Variants in CADPS observed in about 807,000 individuals in gnomAD.
The protein encoded by CADPS is calcium dependent secretion activator.
Under a neutral mutation model 167.3 loss-of-function variants are expected in CADPS, and 57 were observed. The observed-to-expected ratio is 0.34, with a 90% CI of 0.28 to 0.42. CADPS has a LOEUF of 0.42. Ranked by LOEUF, CADPS falls within the 20% of genes least tolerant of loss-of-function variation. CADPS has a pLI of 1.00. For synonymous variants in CADPS, 676 were observed against 635.3 expected, an observed-to-expected ratio of 1.06 and a Z score of -0.96; for missense variants, 1,414 against 1,738.1, an observed-to-expected ratio of 0.81 and a Z score of 3.32.
At chr3:62,415,923 T>C (rs2049973280) in intron 28 of CADPS, among the ~76,000 whole-genome samples, 1 of 152,194 alleles carries the variant, frequency 6.6e-6, no homozygotes, top group Non-Finnish European at 1.5e-5. Context: ...TTCTGCAAAA[T>C]ACCCTTCCTT....
Position 62,399,815 on chromosome 3 carries a change from C to T in CADPS, c.3883-230G>A. Reference sequence around the variant, plus strand: ...ACAGGATAAACTATATTAGATGAGACAAAGCAAAGAACATAAGCTTGTGTT... The same window carrying T: ...ACAGGATAAACTATATTAGATGAGATAAAGCAAAGAACATAAGCTTGTGTT... On this transcript the variant is annotated intron_variant, in intron 29 of 29. Coordinates refer to ENST00000383710, the MANE Select transcript of CADPS (RefSeq NM_003716.4). This position sits in a 1 kb window ranked among gnomAD's most constrained non-coding sequence, Gnocchi z 5.6. Among the ~76,000 whole-genome samples the T allele has an allele frequency of 6.6e-6, 1 of 152,098 alleles. No individual in the cohort carries two copies. The highest frequency in any genetic ancestry group is 1.9e-4 in the East Asian group (1 of 5,198).
intron 5 of CADPS, among the ~76,000 whole-genome samples, chr3:62,650,124 T>G (rs2069714707): frequency 6.6e-6 from 1 of 152,224 alleles, no homozygotes; most frequent in Admixed American, 6.5e-5. Context: ...TATGGTAGTT[T>G]TATGTTTAAC....
chr3:62,571,025 T>C (rs1190924595), intron 8 of CADPS, 87 bp from the exon 9 acceptor site: 3 of 921,058 alleles, frequency 3.3e-6, no homozygotes, highest in South Asian at 2.7e-5. Flanking sequence ...TTGGTACTTA[T>C]AAACAAGGAA....
chr3:62,411,734 C>A (rs1161339843), intron 28 of CADPS, among the ~76,000 whole-genome samples: 1 of 152,188 alleles, frequency 6.6e-6, no homozygotes, highest in Non-Finnish European at 1.5e-5. Flanking sequence ...GACAAAGAAA[C>A]CCTGGCACGT....
intron 4 of CADPS, among the ~76,000 whole-genome samples, chr3:62,656,409 G>A (rs1396608708): frequency 1.3e-5 from 2 of 152,126 alleles, no homozygotes; most frequent in South Asian, 2.1e-4. Context: ...TTTTTTGGAA[G>A]AAAATGAGGC....
At chr3:62,495,809 G>A (rs909642197) in intron 18 of CADPS, among the ~76,000 whole-genome samples, 1 of 152,200 alleles carries the variant, frequency 6.6e-6, no homozygotes, top group Non-Finnish European at 1.5e-5. Flanking sequence ...GAGTTTAGCT[G>A]CAATTAAGAG....
At chr3:62,754,995 A>C (rs2083534988) in intron 2 of CADPS, among the ~76,000 whole-genome samples, 1 of 152,204 alleles carries the variant, frequency 6.6e-6, no homozygotes, top group South Asian at 2.1e-4. Context: ...CTTGTTCCTC[A>C]CAATGTCTTC....
intron 3 of CADPS, among the ~76,000 whole-genome samples, chr3:62,671,103 G>A (rs933087341): frequency 6.6e-6 from 1 of 152,138 alleles, no homozygotes; most frequent in African/African-American, 2.4e-5. Context: ...CAAAGTGGGA[G>A]TCCTAACAGT....
rs1178492890 is a variant in CADPS, at chr3:62,458,613, C to A, written c.3636+6754G>T. On this transcript the variant is annotated intron_variant, in intron 26 of 29. Coordinates refer to ENST00000383710, the MANE Select transcript of CADPS (RefSeq NM_003716.4). This position sits in a 1 kb window ranked among gnomAD's most constrained non-coding sequence, Gnocchi z 4.6. Reference sequence around the variant, plus strand: ...AAGCAATTCTCCTGGCTCAGCCTCTCAAGCAGTTGGGATTACAGGCACCTG... The same window carrying A: ...AAGCAATTCTCCTGGCTCAGCCTCTAAAGCAGTTGGGATTACAGGCACCTG... Among the ~76,000 whole-genome samples the A allele has an allele frequency of 6.6e-6, 1 of 152,118 alleles. No individual in the cohort carries two copies. The highest frequency in any genetic ancestry group is 1.5e-5 in the Non-Finnish European group (1 of 68,022).
At chr3:62,662,808 G>A (rs948932995) in intron 3 of CADPS, among the ~76,000 whole-genome samples, 1 of 152,140 alleles carries the variant, frequency 6.6e-6, no homozygotes, top group African/African-American at 2.4e-5. Context: ...CACATGGCAC[G>A]GGTCCAGCCG....
intron 2 of CADPS, among the ~76,000 whole-genome samples, chr3:62,760,088 C>T (rs2085021950): frequency 6.6e-6 from 1 of 152,038 alleles, no homozygotes; most frequent in South Asian, 2.1e-4. Context: ...CCATCTTGCA[C>T]CTCCCTTCCT....
Position 62,455,163 on chromosome 3 carries a change from T to C in CADPS, c.3637-9366A>G, listed in dbSNP as rs2058546161. 7.9e-6 allele frequency among the ~76,000 whole-genome samples: 1 copy of C among 126,604 alleles called. No individual in the cohort carries two copies. Among genetic ancestry groups the C allele is most frequent in the African/African-American group, 3.0e-5 (1 of 33,504 alleles). 83.1% of individuals were successfully genotyped at this position (126,604 alleles called of 152,430 possible). ...CCCCTGGGGCTTCTGAACAGATGCCTGATTGAAGTAGACCTGTTTTTCCTT... is the reference window on the plus strand; with the variant it reads ...CCCCTGGGGCTTCTGAACAGATGCCCGATTGAAGTAGACCTGTTTTTCCTT... On this transcript the variant is annotated intron_variant, in intron 26 of 29. Coordinates refer to ENST00000383710, the MANE Select transcript of CADPS (RefSeq NM_003716.4). This position sits in a 1 kb window ranked among gnomAD's most constrained non-coding sequence, Gnocchi z 4.4.
intron 29 of CADPS, among the ~76,000 whole-genome samples, chr3:62,400,476 T>C (rs1031779481): frequency 6.6e-6 from 1 of 152,120 alleles, no homozygotes; most frequent in African/African-American, 2.4e-5. Flanking sequence ...TCACACTGCA[T>C]ATCATTTCAG....
intron 1 of CADPS, among the ~76,000 whole-genome samples, chr3:62,791,993 A>G (rs1241849012): frequency 2.6e-5 from 4 of 152,124 alleles, no homozygotes; most frequent in Non-Finnish European, 5.9e-5. Flanking sequence ...ACATCCTTAA[A>G]CCACCTGGAC....
chr3:62,460,747 T>A (rs1471066038), intron 26 of CADPS, among the ~76,000 whole-genome samples: 1 of 152,198 alleles, frequency 6.6e-6, no homozygotes, highest in African/African-American at 2.4e-5. Context: ...TTTTGTTTCA[T>A]TTCCAGGTGG....
In CADPS at chr3:62,437,054, G is replaced by GA. The variant is rs370430065; in HGVS notation, c.3777+1049dup. 1.4e-3 allele frequency among the ~76,000 whole-genome samples: 198 copies of GA among 144,612 alleles called. 1 individual carries two copies. The highest frequency in any genetic ancestry group is 2.6e-3 in the African/African-American group (101 of 39,578). 94.9% of individuals were successfully genotyped at this position (144,612 alleles called of 152,430 possible). Reference sequence around the variant, plus strand: ...ATGTAAATTGCTGAACACAATCACAGAAAAAAAAAAATAGAAACATGGATT... The same window carrying GA: ...ATGTAAATTGCTGAACACAATCACAGAAAAAAAAAAAATAGAAACATGGATT... On this transcript the variant is annotated intron_variant, in intron 28 of 29. Coordinates refer to ENST00000383710, the MANE Select transcript of CADPS (RefSeq NM_003716.4).
intron 4 of CADPS, 125 bp from the exon 5 acceptor site, chr3:62,651,205 A>C: frequency 3.3e-5 from 22 of 670,600 alleles, no homozygotes; most frequent in Non-Finnish European, 5.1e-5. Flanking sequence ...CCCAGATCTC[A>C]TGGCCTTGTG....
chr3:62,635,964 T>A (rs1012040221), intron 6 of CADPS, among the ~76,000 whole-genome samples: 4 of 152,224 alleles, frequency 2.6e-5, no homozygotes, highest in Admixed American at 6.5e-5. Context: ...AATGAACACA[T>A]TCCAAAGGAA....
rs1259525496 is a variant in CADPS, at chr3:62,458,710, A to G, written c.3636+6657T>C. Reference sequence around the variant, plus strand: ...CACCATGTTGGCCAGGCTGGTCTCAAATTCCTGACCTCAGGTGATCCACTC... The same window carrying G: ...CACCATGTTGGCCAGGCTGGTCTCAGATTCCTGACCTCAGGTGATCCACTC... On this transcript the variant is annotated intron_variant, in intron 26 of 29. Coordinates refer to ENST00000383710, the MANE Select transcript of CADPS (RefSeq NM_003716.4). This position sits in a 1 kb window ranked among gnomAD's most constrained non-coding sequence, Gnocchi z 4.6. Among the ~76,000 whole-genome samples the G allele has an allele frequency of 6.6e-6, 1 of 152,096 alleles. No homozygotes were observed. The highest frequency in any genetic ancestry group is 1.5e-5 in the Non-Finnish European group (1 of 68,034).
Sources: gnomAD v4.1 joint callset for allele counts (sites outside exome capture counted in the v4.1 genomes callset) on GRCh38, gnomAD v4.1.1 for gene constraint, Gnocchi (gnomAD v3.1) non-coding constraint, MANE v1.5 for transcripts, NCBI Gene and HGNC (gene_info 2026-07-23, HGNC 2026-07-21) for gene names.